GLI2: variants seen among roughly 807,000 people sequenced by gnomAD.
GLI2 encodes the protein GLI family zinc finger 2.
Under a neutral mutation model 78.9 loss-of-function variants are expected in GLI2, and 22 were observed. The observed-to-expected ratio is 0.28, with a 90% CI of 0.20 to 0.40. The LOEUF is 0.40. Among genes scored for constraint, GLI2 ranks in the 10% least tolerant of loss-of-function variants. The pLI is 1.00. For synonymous variants in GLI2, 974 were observed against 963.7 expected (o/e 1.01, Z -0.20); for missense variants, 2,097 against 2,213.2 (o/e 0.95, Z 1.05).
At chr2:120,768,698 G>A (rs553967681) in intron 1 of GLI2, among the ~76,000 whole-genome samples, 1 of 152,270 alleles carries the variant, frequency 6.6e-6, no homozygotes, top group South Asian at 2.1e-4. Context: ...CCCCTGCCTT[G>A]CCTGGCTGGA....
At chr2:120,847,153 A>C (rs965731684) in intron 2 of GLI2, among the ~76,000 whole-genome samples, 1 of 151,898 alleles carries the variant, frequency 6.6e-6, no homozygotes, top group South Asian at 2.1e-4. Flanking sequence ...TTCCTGGAAT[A>C]GTCCTAGGAA....
intron 1 of GLI2, among the ~76,000 whole-genome samples, chr2:120,766,787 C>T (rs1683378819): frequency 1.3e-5 from 2 of 152,048 alleles, no homozygotes; most frequent in African/African-American, 2.4e-5. Context: ...TTAAAGAAAC[C>T]GGTGGCCATC....
intron 12 of GLI2, 80 bp from the exon 13 acceptor site, chr2:120,986,198 T>C: frequency 7.6e-7 from 1 of 1,311,560 alleles, no homozygotes. Context: ...GAGGGTGTGG[T>C]GCCTGTGCAG....
intron 8 of GLI2, among the ~76,000 whole-genome samples, chr2:120,973,042 AG>A (rs939659159): frequency 1.3e-5 from 2 of 152,150 alleles, no homozygotes; most frequent in African/African-American, 4.8e-5. Flanking sequence ...AAGGATGCTC[AG>A]GGCCTCCTAT....
intron 1 of GLI2, among the ~76,000 whole-genome samples, chr2:120,779,150 A>G (rs2121993): frequency 0.58 from 88,315 of 152,166 alleles, 28,324 homozygotes; most frequent in African/African-American, 0.88. Context: ...GAGTACTTAC[A>G]CGCATCAGCT....
chr2:120,796,046 AAAACAAACAAAC>A (rs549499204), intron 1 of GLI2, among the ~76,000 whole-genome samples: 1 of 152,146 alleles, frequency 6.6e-6, no homozygotes, highest in Non-Finnish European at 1.5e-5. Flanking sequence ...CTCCAGCTCA[AAAACAAACAAAC>A]AAACAAACAA....
intron 2 of GLI2, among the ~76,000 whole-genome samples, chr2:120,802,035 G>C (rs767788567): frequency 2.0e-4 from 30 of 152,214 alleles, no homozygotes; most frequent in African/African-American, 2.7e-4. Context: ...GTGTCTTCAT[G>C]CCTCAGTTCC....
chr2:120,969,709 A>T (rs1401242071), intron 6 of GLI2, among the ~76,000 whole-genome samples: 1 of 152,220 alleles, frequency 6.6e-6, no homozygotes, highest in African/African-American at 2.4e-5. Context: ...CTGGGCCAGA[A>T]TGCCCCCTCA....
At chr2:120,808,244 A>C (rs1370932661) in intron 2 of GLI2, among the ~76,000 whole-genome samples, 1 of 152,162 alleles carries the variant, frequency 6.6e-6, no homozygotes, top group African/African-American at 2.4e-5. Flanking sequence ...AGCCCCTTGC[A>C]GGGCCAAGCA....
At chr2:120,931,042 T>C (rs1679923588) in intron 3 of GLI2, among the ~76,000 whole-genome samples, 1 of 152,246 alleles carries the variant, frequency 6.6e-6, no homozygotes, top group African/African-American at 2.4e-5. Flanking sequence ...GCTCCTTCAC[T>C]GGTTGGATTC....
chr2:120,889,062 T>G (rs990998513), intron 2 of GLI2, among the ~76,000 whole-genome samples: 1 of 152,168 alleles, frequency 6.6e-6, no homozygotes, highest in African/African-American at 2.4e-5. Flanking sequence ...GGTGATGGGT[T>G]GGGCGCTGCA....
intron 1 of GLI2, among the ~76,000 whole-genome samples, chr2:120,767,166 C>T (rs1005724004): frequency 1.3e-5 from 2 of 152,208 alleles, no homozygotes; most frequent in Non-Finnish European, 2.9e-5. Context: ...TGCCTGCCTT[C>T]AAGGCAGGAG....
intron 9 of GLI2, among the ~76,000 whole-genome samples, chr2:120,976,245 C>T (rs745725978): frequency 2.6e-5 from 4 of 152,222 alleles, no homozygotes; most frequent in Non-Finnish European, 4.4e-5. Flanking sequence ...TGTCCAGAGG[C>T]GCTTGCTTCT....
rs1387891364 is a variant in GLI2, at chr2:120,778,610, G to A, written c.-30-18681G>A. ...ACATGTGGCTGGTGGGGTGAGACGG[G>A]GTGAAGTCACCCTAGGACCTGTCTA... On this transcript the variant is annotated intron_variant, in intron 1 of 13. Coordinates refer to ENST00000361492, the MANE Select transcript of GLI2 (RefSeq NM_001374353.1). Among the ~76,000 whole-genome samples, 5 of 152,168 alleles carry A rather than the reference G, an allele frequency of 3.3e-5. No individual in the cohort carries two copies. In the East Asian group the frequency reaches 9.6e-4, roughly 29 times the overall value.
intron 3 of GLI2, among the ~76,000 whole-genome samples, chr2:120,942,767 C>G (rs184540970): frequency 2.0e-4 from 30 of 152,342 alleles, no homozygotes; most frequent in Non-Finnish European, 4.0e-4. Flanking sequence ...AGTGTCTGTG[C>G]TCTTCCCTGG....
intron 2 of GLI2, among the ~76,000 whole-genome samples, chr2:120,844,142 A>G (rs1687008054): frequency 2.0e-5 from 3 of 152,220 alleles, no homozygotes; most frequent in Non-Finnish European, 4.4e-5. Flanking sequence ...ATTAGCAGTC[A>G]GCACACGTGT....
intron 1 of GLI2, among the ~76,000 whole-genome samples, chr2:120,746,598 T>C (rs1007919510): frequency 6.6e-6 from 1 of 152,224 alleles, no homozygotes; most frequent in Non-Finnish European, 1.5e-5. Flanking sequence ...TGCTGGGCTC[T>C]GGTCTCTGTA....
At chr2:120,955,547 C>T in intron 5 of GLI2, 117 bp downstream of exon 5, 2 of 669,896 alleles carry the variant, frequency 3.0e-6, no homozygotes, top group South Asian at 2.0e-5. Context: ...TCGGGCTGTA[C>T]CCCAATGCCT....
chr2:120,788,366 C>G (rs62150671), intron 1 of GLI2, among the ~76,000 whole-genome samples: 1,728 of 152,254 alleles, frequency 0.011, 20 homozygotes, highest in Non-Finnish European at 0.018. Context: ...ATGGCATCCT[C>G]GGTAGAGCAG....
Sources: gnomAD v4.1 joint callset for allele counts (sites outside exome capture counted in the v4.1 genomes callset) on GRCh38, gnomAD v4.1.1 for gene constraint, MANE v1.5 for transcripts, NCBI Gene and HGNC (gene_info 2026-07-23, HGNC 2026-07-21) for gene names.